The following ANO5 variants were observed in gnomAD, a reference collection of about 807,000 sequenced individuals.
ANO5 encodes the protein anoctamin 5.
ANO5 carries 109 observed loss-of-function variants against 121.0 expected under a neutral mutation model. That is an observed-to-expected ratio of 0.90 (90% CI 0.77 to 1.06). ANO5 has a LOEUF of 1.06. Among genes scored for constraint, ANO5 ranks in the 50% least tolerant of loss-of-function variants. ANO5 has a pLI of 0.00. For missense variants in ANO5, 1,064 were observed against 1,078.5 expected (o/e 0.99, Z 0.19); for synonymous variants, 406 against 359.9 (o/e 1.13, Z -1.45).
chr11:22,198,527 A>G (rs1851875051), intron 1 of ANO5, among the ~76,000 whole-genome samples: 1 of 152,214 alleles, frequency 6.6e-6, no homozygotes, highest in South Asian at 2.1e-4. Flanking sequence ...AAATTTTAAT[A>G]GCAGCTTGAA....
intron 3 of ANO5, among the ~76,000 whole-genome samples, chr11:22,217,102 C>T (rs12574972): frequency 0.068 from 10,363 of 151,926 alleles, 941 homozygotes; most frequent in East Asian, 0.21. Flanking sequence ...ACTCCTCTGT[C>T]TATATATAGA....
intron 17 of ANO5, among the ~76,000 whole-genome samples, chr11:22,265,791 T>C (rs1399014558): frequency 1.3e-5 from 2 of 152,084 alleles, no homozygotes; most frequent in East Asian, 1.9e-4. Context: ...ACAAGTATGA[T>C]AAAAGAAGAA....
intron 1 of ANO5, among the ~76,000 whole-genome samples, chr11:22,199,551 ATCT>A (rs1002959059): frequency 1.2e-3 from 183 of 152,268 alleles, no homozygotes; most frequent in African/African-American, 4.0e-3. Context: ...ATTAAAGGAC[ATCT>A]TCTCAAATTT....
chr11:22,255,352 T>A lies in ANO5; in HGVS notation c.1181-19T>A. ...TAACTTTTTTAATATCTTTTTTTTA[T>A]ATATTTATTTACCTATAGTCACCTT... is the stretch of plus-strand genomic sequence containing the variant. On this transcript the variant is annotated intron_variant, in intron 12 of 21. Transcript: ENST00000324559. The A allele has an allele frequency of 6.5e-7, 1 of 1,544,670 alleles. No individual in the cohort carries two copies. Among genetic ancestry groups the A allele is most frequent in the Non-Finnish European group, 8.7e-7 (1 of 1,143,464 alleles).
At chr11:22,259,076 T>G (rs1006534283) in intron 14 of ANO5, among the ~76,000 whole-genome samples, 16 of 144,188 alleles carry the variant, frequency 1.1e-4, no homozygotes, top group Non-Finnish European at 1.6e-4. Context: ...GAGCTTGCAG[T>G]GAGCCAAGAT....
chr11:22,269,575 AAAAG>A lies in ANO5; in HGVS notation c.1899-727_1899-724del, dbSNP rs144691219. 0.015 allele frequency among the ~76,000 whole-genome samples: 2,158 copies of A among 147,266 alleles called. 141 individuals are homozygous for A. In the East Asian group the frequency reaches 0.2, roughly 13 times the overall value. Reference sequence around the variant, plus strand: ...AAAGAAAAAAAGAAAAGGAAAGAAAAAAAGAAAGAAAGAGAAAGAAAGAGTTTGC... The same window carrying A: ...AAAGAAAAAAAGAAAAGGAAAGAAAAAAAGAAAGAGAAAGAAAGAGTTTGC... On this transcript the variant is annotated intron_variant, in intron 17 of 21. Coordinates refer to ENST00000324559, the MANE Select transcript of ANO5 (RefSeq NM_213599.3).
chr11:22,243,441 T>C (rs1465158599), intron 9 of ANO5, among the ~76,000 whole-genome samples: 1 of 152,004 alleles, frequency 6.6e-6, no homozygotes, highest in East Asian at 1.9e-4. Flanking sequence ...GAACGAGTTA[T>C]GGAGAAGCCT....
intron 9 of ANO5, among the ~76,000 whole-genome samples, chr11:22,248,949 A>G (rs1052116843): frequency 2.1e-4 from 32 of 152,058 alleles, no homozygotes; most frequent in Non-Finnish European, 3.5e-4. Context: ...TTTTGATGTC[A>G]TGTACTATTA....
intron 2 of ANO5, among the ~76,000 whole-genome samples, chr11:22,208,579 G>A (rs1001139098): frequency 2.6e-5 from 4 of 151,980 alleles, no homozygotes; most frequent in South Asian, 4.1e-4. Flanking sequence ...GATCCTTGTG[G>A]ATGGAATAGC....
chr11:22,262,060 T>C (rs1006088622), intron 15 of ANO5, 69 bp from the exon 16 acceptor site: 1 of 1,472,704 alleles, frequency 6.8e-7, no homozygotes, highest in African/African-American at 1.4e-5. Flanking sequence ...TGTTCACTTG[T>C]CCTAGGGAGT....
At chr11:22,266,934 C>T (rs184310216) in intron 17 of ANO5, among the ~76,000 whole-genome samples, 6 of 152,178 alleles carry the variant, frequency 3.9e-5, no homozygotes, top group Admixed American at 2.0e-4. Flanking sequence ...TCATTGTGGG[C>T]AAAATTACTC....
At chr11:22,269,154 A>G (rs372098612) in intron 17 of ANO5, among the ~76,000 whole-genome samples, 10 of 145,834 alleles carry the variant, frequency 6.9e-5, no homozygotes, top group East Asian at 4.1e-4. Context: ...AAAGGAAAGG[A>G]AAGGGAAGGG....
Position 22,275,955 on chromosome 11 carries a change from A to G in ANO5, c.2415-139A>G. On this transcript the variant is annotated intron_variant, in intron 20 of 21. Coordinates refer to ENST00000324559, the MANE Select transcript of ANO5 (RefSeq NM_213599.3). ...TGAACAAGAAAGATAAATGTTTCAT[A>G]ATATCAGTTAACTTTGACCTGATTT... is the stretch of plus-strand genomic sequence containing the variant. The G allele has an allele frequency of 4.7e-6, 3 of 639,044 alleles. No homozygotes were observed. The South Asian group carries it at 5.6e-5, about 12-fold the overall frequency. 39.6% of individuals were successfully genotyped at this position (639,044 alleles called of 1,614,324 possible). A position where few individuals can be genotyped will look rare whatever the true frequency, so the allele number is the denominator to read the frequency against.
intron 15 of ANO5, among the ~76,000 whole-genome samples, chr11:22,261,044 C>T (rs1854171502): frequency 6.6e-6 from 1 of 152,150 alleles, no homozygotes; most frequent in Non-Finnish European, 1.5e-5. Context: ...ATCATCCCTG[C>T]CCTTGACATG....
intron 2 of ANO5, among the ~76,000 whole-genome samples, chr11:22,209,729 T>G (rs548183749): frequency 6.6e-6 from 1 of 152,076 alleles, no homozygotes; most frequent in African/African-American, 2.4e-5. Flanking sequence ...ATCTAAGTTA[T>G]TTTATTTTAC....
At chr11:22,213,375 C>T (rs1852342714) in intron 3 of ANO5, among the ~76,000 whole-genome samples, 1 of 151,774 alleles carries the variant, frequency 6.6e-6, no homozygotes, top group Non-Finnish European at 1.5e-5. Context: ...ATTTTTATAT[C>T]CTTCACAGCT....
At position 22,274,606 on chromosome 11, in the gene ANO5, G is replaced by A. The variant is rs369058382; in HGVS notation, c.2273G>A (p.Arg758His). Residue 758 changes from arginine (R) to histidine (H), a missense_variant, in exon 20 of 22, where the codon CGT becomes CAT. By Grantham distance (29) the Arg-to-His change is conservative (BLOSUM62 0). Coordinates refer to ENST00000324559, the MANE Select transcript of ANO5 (RefSeq NM_213599.3). ...IVAFTSDIIP[R>H]LVYYYAYSTN... ...GCATTTACGTCAGACATCATTCCCC[G>A]TCTAGTTTACTACTATGCTTACTCA... The A allele has an allele frequency of 3.4e-5, 54 of 1,603,810 alleles. No individual in the cohort carries two copies. Among genetic ancestry groups the A allele is most frequent in the African/African-American group, 2.7e-4 (20 of 74,122 alleles).
At chr11:22,271,122 G>C (rs1227601179) in intron 18 of ANO5, among the ~76,000 whole-genome samples, 2 of 152,230 alleles carry the variant, frequency 1.3e-5, no homozygotes, top group South Asian at 2.1e-4. Flanking sequence ...GCCCAATCTC[G>C]GCTCACTGCA....
At chr11:22,198,962 C>T (rs1294225726) in intron 1 of ANO5, among the ~76,000 whole-genome samples, 11 of 152,108 alleles carry the variant, frequency 7.2e-5, no homozygotes, top group Admixed American at 7.2e-4. Context: ...ATGGGTAAAA[C>T]CCATTGATGA....
Sources: allele counts gnomAD v4.1 joint callset (sites outside exome capture counted in the v4.1 genomes callset), GRCh38; gene constraint gnomAD v4.1.1; transcripts MANE v1.5; gene names NCBI Gene and HGNC (gene_info 2026-07-23, HGNC 2026-07-21).